SORCS3: variants seen among roughly 807,000 people sequenced by gnomAD.
SORCS3 encodes sortilin related VPS10 domain containing receptor 3.
A neutral mutation model predicts 146.3 loss-of-function variants in SORCS3; 57 were observed. The observed-to-expected ratio is 0.39, with a 90% confidence interval of 0.31 to 0.49. SORCS3 has a LOEUF of 0.49. Among genes scored for constraint, SORCS3 ranks in the 20% least tolerant of loss-of-function variants. The pLI is 0.92. For missense variants in SORCS3, 1,341 were observed against 1,575.5 expected (o/e 0.85, Z 2.52); for synonymous variants, 653 against 618.5 (o/e 1.06, Z -0.83).
chr10:105,098,813 A>C (rs368050086), intron 6 of SORCS3, among the ~76,000 whole-genome samples: 1 of 152,222 alleles, frequency 6.6e-6, no homozygotes, highest in African/African-American at 2.4e-5. Context: ...ATTCAGGGTC[A>C]GTTTATTTAG....
chr10:104,674,516 A>G (rs1252626794), intron 1 of SORCS3, among the ~76,000 whole-genome samples: 2 of 152,220 alleles, frequency 1.3e-5, no homozygotes, highest in African/African-American at 4.8e-5. Flanking sequence ...CCTTGGCCCT[A>G]TATCCATAGT....
At chr10:104,809,558 C>G (rs905299524) in intron 1 of SORCS3, among the ~76,000 whole-genome samples, 3 of 152,128 alleles carry the variant, frequency 2.0e-5, no homozygotes, top group African/African-American at 4.8e-5. Context: ...ATATTTAAAG[C>G]CTGGGGTGAT....
chr10:104,721,837 GACTTC>G (rs1050774148), intron 1 of SORCS3, among the ~76,000 whole-genome samples: 4 of 152,204 alleles, frequency 2.6e-5, no homozygotes, highest in African/African-American at 9.7e-5. Flanking sequence ...TGTATCCTGA[GACTTC>G]ACTTAAGTTG....
chr10:104,886,567 T>C (rs7893204), intron 2 of SORCS3, among the ~76,000 whole-genome samples: 6,993 of 84,892 alleles, frequency 0.082, 199 homozygotes, highest in African/African-American at 0.21. Context: ...TCTATCTATC[T>C]ATCTATCTAT....
At chr10:105,241,878 G>C (rs907930040) in intron 20 of SORCS3, among the ~76,000 whole-genome samples, 1 of 152,160 alleles carries the variant, frequency 6.6e-6, no homozygotes. Flanking sequence ...GGGCATGACA[G>C]TGTAGAAAAC....
intron 1 of SORCS3, among the ~76,000 whole-genome samples, chr10:104,771,175 G>A (rs1266853969): frequency 1.3e-5 from 2 of 152,190 alleles, no homozygotes; most frequent in Non-Finnish European, 2.9e-5. Flanking sequence ...GGAGCTTGTT[G>A]GAAAGGCAGA....
At chr10:104,927,345 G>A (rs1386892093) in intron 3 of SORCS3, among the ~76,000 whole-genome samples, 1 of 152,172 alleles carries the variant, frequency 6.6e-6, no homozygotes, top group East Asian at 1.9e-4. Context: ...CCTCTGAGAA[G>A]GGATTCCATT....
chr10:104,846,601 A>G (rs530902754), intron 2 of SORCS3, among the ~76,000 whole-genome samples: 2 of 152,366 alleles, frequency 1.3e-5, no homozygotes, highest in South Asian at 4.1e-4. Flanking sequence ...CTACTTCTAA[A>G]TAGACAAAAG....
At chr10:104,798,074 G>C (rs1420442162) in intron 1 of SORCS3, among the ~76,000 whole-genome samples, 1 of 152,134 alleles carries the variant, frequency 6.6e-6, no homozygotes, top group Non-Finnish European at 1.5e-5. Context: ...TTAATAACTA[G>C]TAAGGACTCA....
At chr10:104,719,924 G>A (rs2016524533) in intron 1 of SORCS3, among the ~76,000 whole-genome samples, 1 of 152,028 alleles carries the variant, frequency 6.6e-6, no homozygotes, top group Non-Finnish European at 1.5e-5. Context: ...CACTTTGTGT[G>A]TAAGTCCATG....
intron 5 of SORCS3, among the ~76,000 whole-genome samples, chr10:105,065,677 T>C (rs1187422165): frequency 6.6e-6 from 1 of 152,112 alleles, no homozygotes; most frequent in Non-Finnish European, 1.5e-5. Flanking sequence ...GAGTCAGAAG[T>C]TGGTCATTCT....
chr10:105,086,396 C>T (rs1036035752), intron 5 of SORCS3, among the ~76,000 whole-genome samples: 1 of 151,986 alleles, frequency 6.6e-6, no homozygotes, highest in Non-Finnish European at 1.5e-5. Context: ...GATGTGTGAT[C>T]TACATTCTGG....
chr10:105,034,205 G>C (rs915018146), intron 4 of SORCS3, among the ~76,000 whole-genome samples: 2 of 152,098 alleles, frequency 1.3e-5, no homozygotes, highest in African/African-American at 4.8e-5. Context: ...TGACCAAAGA[G>C]GACTTCCCTT....
At chr10:105,100,088 T>C (rs1254342737) in intron 6 of SORCS3, among the ~76,000 whole-genome samples, 1 of 152,198 alleles carries the variant, frequency 6.6e-6, no homozygotes, top group Non-Finnish European at 1.5e-5. Context: ...ATTTAAATGA[T>C]GTTACAATGC....
intron 4 of SORCS3, among the ~76,000 whole-genome samples, chr10:104,999,086 G>A (rs750410354): frequency 9.2e-5 from 14 of 151,858 alleles, no homozygotes; most frequent in African/African-American, 2.2e-4. Context: ...CTCATGCTCC[G>A]TTGTAAAAGT....
chr10:104,930,905 T>TAAAA (rs2019199874), intron 3 of SORCS3, among the ~76,000 whole-genome samples: 1 of 152,200 alleles, frequency 6.6e-6, no homozygotes, highest in Non-Finnish European at 1.5e-5. Context: ...TTGCAAATAC[T>TAAAA]TAGTGAGTGA....
chr10:104,766,339 G>T (rs2017179471), intron 1 of SORCS3, among the ~76,000 whole-genome samples: 1 of 152,244 alleles, frequency 6.6e-6, no homozygotes, highest in Non-Finnish European at 1.5e-5. Flanking sequence ...GGCCAATACT[G>T]AAGCCTTCAC....
chr10:104,970,418 A>T (rs2054854004), intron 3 of SORCS3, among the ~76,000 whole-genome samples: 1 of 152,206 alleles, frequency 6.6e-6, no homozygotes, highest in Non-Finnish European at 1.5e-5. Flanking sequence ...AAGAGCTGGG[A>T]TTACAGGCAT....
At chr10:104,926,497 C>T (rs935987723) in intron 3 of SORCS3, among the ~76,000 whole-genome samples, 3 of 152,156 alleles carry the variant, frequency 2.0e-5, no homozygotes, top group African/African-American at 7.2e-5. Flanking sequence ...AAATGTTTTT[C>T]TTCTTGGTGT....
Sources: gnomAD v4.1 joint callset for allele counts (sites outside exome capture counted in the v4.1 genomes callset) on GRCh38, gnomAD v4.1.1 for gene constraint, MANE v1.5 for transcripts, NCBI Gene and HGNC (gene_info 2026-07-23, HGNC 2026-07-21) for gene names.